UROC1: variants seen among roughly 807,000 people sequenced by gnomAD.
UROC1 encodes urocanate hydratase 1.
In UROC1, 79 loss-of-function variants were observed where a neutral mutation model predicts 89.5. The observed-to-expected ratio is 0.88, with a 90% CI of 0.74 to 1.06. The LOEUF is 1.06. Ranked by LOEUF, UROC1 falls within the 50% of genes least tolerant of loss-of-function variation. UROC1 has a pLI of 0.00. For synonymous variants in UROC1, 361 were observed against 354.8 expected (o/e 1.02, Z -0.20); for missense variants, 885 against 907.8 (o/e 0.97, Z 0.32).
chr3:126,510,630 C>T (rs78041432), intron 2 of UROC1, 34 bp downstream of exon 2: 94,440 of 1,611,050 alleles, frequency 0.059, 3,926 homozygotes, highest in South Asian at 0.15. Flanking sequence ...GCCTGCCCCT[C>T]GGGTCCCTTT....
intron 9 of UROC1, among the ~76,000 whole-genome samples, chr3:126,502,413 ATGTG>A (rs549386100): frequency 6.7e-6 from 1 of 150,036 alleles, no homozygotes; most frequent in Non-Finnish European, 1.5e-5. Flanking sequence ...GTGTGCATGT[ATGTG>A]TGTTATGTGT....
At chr3:126,492,091 C>T (rs777475) in intron 16 of UROC1, among the ~76,000 whole-genome samples, 71,907 of 151,402 alleles carry the variant, frequency 0.47, 18,764 homozygotes, top group Middle Eastern at 0.6. Flanking sequence ...TCCCCCAGGC[C>T]CTCCTTCCCA....
intron 19 of UROC1, 53 bp from the exon 20 acceptor site, chr3:126,482,538 G>T (rs1478688074): frequency 6.2e-7 from 1 of 1,612,844 alleles, no homozygotes; most frequent in Admixed American, 1.7e-5. Context: ...GGCTCCCCAC[G>T]TGAGTCTTGG....
At chr3:126,513,746 C>T (rs1936244390) in intron 1 of UROC1, among the ~76,000 whole-genome samples, 1 of 152,176 alleles carries the variant, frequency 6.6e-6, no homozygotes, top group Non-Finnish European at 1.5e-5. Flanking sequence ...TGGGCCTCTG[C>T]CCACCCCACC....
chr3:126,505,398 G>A (rs1936029084), intron 8 of UROC1, among the ~76,000 whole-genome samples: 1 of 152,112 alleles, frequency 6.6e-6, no homozygotes. Context: ...GATGTGGTGG[G>A]ATACAGGAAA....
At chr3:126,512,344 A>G (rs1168593) in intron 1 of UROC1, among the ~76,000 whole-genome samples, 47,963 of 152,204 alleles carry the variant, frequency 0.32, 7,703 homozygotes, top group Admixed American at 0.38. Context: ...TGACCACGGA[A>G]CAATGGGCAC....
chr3:126,517,553 C>T (rs1256228260), intron 1 of UROC1, 41 bp downstream of exon 1: 2 of 1,612,110 alleles, frequency 1.2e-6, no homozygotes, highest in African/African-American at 2.7e-5. Context: ...CTGGAGGATG[C>T]CTAGAGGCCA....
intron 9 of UROC1, 73 bp downstream of exon 9, chr3:126,503,922 T>C (rs1283935297): frequency 1.3e-6 from 2 of 1,567,086 alleles, no homozygotes; most frequent in African/African-American, 1.3e-5. Context: ...AGCTGCCCCA[T>C]GGGGGTCCTC....
intron 16 of UROC1, among the ~76,000 whole-genome samples, chr3:126,491,454 T>C (rs1015581421): frequency 3.3e-5 from 5 of 152,078 alleles, no homozygotes; most frequent in Admixed American, 6.5e-5. Flanking sequence ...CCGGGGCGAG[T>C]GCGCCTGGAG....
At chr3:126,493,760 T>C (rs1349559146) in intron 15 of UROC1, among the ~76,000 whole-genome samples, 1 of 152,208 alleles carries the variant, frequency 6.6e-6, no homozygotes, top group Admixed American at 6.5e-5. Context: ...ATGTATAATT[T>C]ACCATAATTA....
Position 126,504,094 on chromosome 3 carries a change from G to A in UROC1, c.814-11C>T, listed in dbSNP as rs1423897595. On this transcript the variant is annotated splice_polypyrimidine_tract_variant and intron_variant, in intron 8 of 19. Transcript: ENST00000290868. ...GGCTGCTTTATCCACCTGGGGCCAT[G>A]AGACATGGGGCCACGAGACATGGGG... 1 of 1,612,006 alleles carries A rather than the reference G, an allele frequency of 6.2e-7. No homozygotes were observed. The highest frequency in any genetic ancestry group is 8.5e-7 in the Non-Finnish European group (1 of 1,179,874).
At chr3:126,498,773 C>A (rs937526705) in intron 13 of UROC1, among the ~76,000 whole-genome samples, 2 of 152,166 alleles carry the variant, frequency 1.3e-5, no homozygotes, top group Non-Finnish European at 2.9e-5. Flanking sequence ...ATCTCTCTCT[C>A]GTCCCATGTG....
At chr3:126,496,322 C>T (rs1051086801) in intron 14 of UROC1, among the ~76,000 whole-genome samples, 6 of 152,178 alleles carry the variant, frequency 3.9e-5, no homozygotes, top group East Asian at 3.9e-4. Flanking sequence ...AGCCGTGCAG[C>T]GCACTGCCTG....
rs781365158 is a variant in UROC1 at position 126,508,093 on chromosome 3, G to C, written c.414C>G (p.Phe138Leu). 1.9e-5 allele frequency: 30 copies of C among 1,613,832 alleles called. No individual in the cohort carries two copies. The highest frequency in any genetic ancestry group is 2.3e-5 in the Non-Finnish European group (27 of 1,180,030). ...NGQVFSNWAQ[F>L]WLTMFYLSKM... ...TCGACAAGTAGAACATGGTCAGCCA[G>C]AACTGGGGGAAGAGCAGAGCGTGGG... Residue 138 changes from phenylalanine to leucine, a missense_variant and splice_region_variant, in exon 5 of 20, where the codon TTC (phenylalanine) becomes TTG (leucine). Transcript: ENST00000290868.
intron 8 of UROC1, among the ~76,000 whole-genome samples, 154 bp from the exon 9 acceptor site, chr3:126,504,237 C>T (rs958921736): frequency 2.6e-5 from 4 of 152,266 alleles, no homozygotes; most frequent in Admixed American, 2.6e-4. Flanking sequence ...AGCTGCCCTC[C>T]CTCTATTTAT....
At chr3:126,492,698 G>A (rs6786407) in intron 15 of UROC1, among the ~76,000 whole-genome samples, 182 bp from the exon 16 acceptor site, 5,910 of 152,200 alleles carry the variant, frequency 0.039, 324 homozygotes, top group African/African-American at 0.12. Flanking sequence ...GGCCTGAGGT[G>A]AGCCCCCACA....
chr3:126,506,688 G>C (rs892291003), intron 6 of UROC1, among the ~76,000 whole-genome samples: 2 of 152,230 alleles, frequency 1.3e-5, no homozygotes, highest in Admixed American at 1.3e-4. Flanking sequence ...TGCATAGAAA[G>C]TGTTTGGAAG....
At chr3:126,494,450 T>C (rs1308746739) in intron 15 of UROC1, among the ~76,000 whole-genome samples, 1 of 152,212 alleles carries the variant, frequency 6.6e-6, no homozygotes, top group Non-Finnish European at 1.5e-5. Flanking sequence ...CCTTGGCATC[T>C]CTGACTCAGC....
chr3:126,493,587 T>TG (rs1226087674), intron 15 of UROC1, among the ~76,000 whole-genome samples: 1 of 152,076 alleles, frequency 6.6e-6, no homozygotes, highest in Non-Finnish European at 1.5e-5. Flanking sequence ...GGGAGTAGAA[T>TG]GGGGAGTTAG....
Sources: gnomAD v4.1 joint callset for allele counts (sites outside exome capture counted in the v4.1 genomes callset) on GRCh38, gnomAD v4.1.1 for gene constraint, MANE v1.5 for transcripts, NCBI Gene and HGNC (gene_info 2026-07-23, HGNC 2026-07-21) for gene names.